The following CADPS variants were observed in gnomAD, a reference collection of about 807,000 sequenced individuals.
The protein encoded by CADPS is calcium dependent secretion activator.
In CADPS, 57 loss-of-function variants were observed where a neutral mutation model predicts 167.3. That is an observed-to-expected ratio of 0.34 (90% CI 0.28 to 0.42). CADPS has a LOEUF of 0.42. Among genes scored for constraint, CADPS ranks in the 20% least tolerant of loss-of-function variants. The pLI is 1.00. For missense variants in CADPS, 1,414 were observed against 1,738.1 expected, an observed-to-expected ratio of 0.81 and a Z score of 3.32; for synonymous variants, 676 against 635.3, an observed-to-expected ratio of 1.06 and a Z score of -0.96.
intron 1 of CADPS, among the ~76,000 whole-genome samples, chr3:62,784,945 G>T (rs1329203098): frequency 6.6e-6 from 1 of 152,152 alleles, no homozygotes; most frequent in East Asian, 1.9e-4. Flanking sequence ...AAGAGTTACT[G>T]TTAGGGTTTC....
In CADPS at chr3:62,669,250, G is replaced by A. The variant is rs557493828; in HGVS notation, c.889-6856C>T. On this transcript the variant is annotated intron_variant, in intron 3 of 29. Transcript: ENST00000383710. ...GCCAAGAGCCACTGCAGAGGAGGGT[G>A]GAGGCACCTCCCCATAAAGCACTCC... Among the ~76,000 whole-genome samples the A allele has an allele frequency of 1.1e-3, 162 of 152,266 alleles. 1 individual carries two copies. Among genetic ancestry groups the A allele is most frequent in the African/African-American group, 3.5e-3 (146 of 41,562 alleles).
chr3:62,644,283 C>A (rs1448640013), intron 6 of CADPS, among the ~76,000 whole-genome samples: 1 of 152,034 alleles, frequency 6.6e-6, no homozygotes, highest in Non-Finnish European at 1.5e-5. Flanking sequence ...AACACCAACA[C>A]AAAAAGATGC....
intron 3 of CADPS, among the ~76,000 whole-genome samples, chr3:62,721,628 C>T (rs2075846550): frequency 6.6e-6 from 1 of 151,980 alleles, no homozygotes; most frequent in Non-Finnish European, 1.5e-5. Flanking sequence ...CAGATCTTTC[C>T]AACTTAGATT....
chr3:62,846,678 TG>T, intron 1 of CADPS, among the ~76,000 whole-genome samples: 1 of 152,328 alleles, frequency 6.6e-6, no homozygotes, highest in East Asian at 1.9e-4. Context: ...TTTTGCTTTT[TG>T]TTTTTTGAGA....
At chr3:62,778,983 C>CGGG (rs200774338) in intron 1 of CADPS, among the ~76,000 whole-genome samples, 3,435 of 151,952 alleles carry the variant, frequency 0.023, 61 homozygotes, top group South Asian at 0.061. Flanking sequence ...CTCCACCTGC[C>CGGG]GGGTTCAAGC....
intron 3 of CADPS, among the ~76,000 whole-genome samples, chr3:62,748,081 G>A (rs1186424708): frequency 2.0e-5 from 3 of 149,950 alleles, no homozygotes; most frequent in East Asian, 2.0e-4. Context: ...AGTACTTTGG[G>A]AGGCTGAGGC....
intron 1 of CADPS, among the ~76,000 whole-genome samples, chr3:62,855,196 C>T (rs1241471579): frequency 6.7e-6 from 1 of 149,718 alleles, no homozygotes; most frequent in Non-Finnish European, 1.5e-5. Context: ...CTGCCCACTT[C>T]GGCCTCCCAA....
rs1164018122 is a variant in CADPS at position 62,839,611 on chromosome 3, CT to C, written c.441+34977del. Among the ~76,000 whole-genome samples, 3 of 152,242 alleles carry C rather than the reference CT, an allele frequency of 2.0e-5. No individual in the cohort carries two copies. In the East Asian group the frequency reaches 5.8e-4, roughly 29 times the overall value. On this transcript the variant is annotated intron_variant, in intron 1 of 29. Transcript: ENST00000383710. ...GCCTTGGTGAGGAGCTAAGACTCAC[CT>C]GTAGGGTTTACGTAGAGGAATGACT...
At chr3:62,474,527 G>A (rs1055315948) in intron 23 of CADPS, among the ~76,000 whole-genome samples, 1 of 152,006 alleles carries the variant, frequency 6.6e-6, no homozygotes, top group Admixed American at 6.5e-5. Flanking sequence ...CTTCCTTTCC[G>A]GCAGTACCCG....
chr3:62,850,217 A>T (rs1442865496), intron 1 of CADPS, among the ~76,000 whole-genome samples: 2 of 136,044 alleles, frequency 1.5e-5, no homozygotes, highest in East Asian at 4.0e-4. Context: ...ATCCTTTCAA[A>T]AAACCAGCTC....
At chr3:62,840,071 T>A (rs1225166381) in intron 1 of CADPS, among the ~76,000 whole-genome samples, 1 of 152,166 alleles carries the variant, frequency 6.6e-6, no homozygotes, top group Non-Finnish European at 1.5e-5. Flanking sequence ...TAACAAAGAT[T>A]AAATTTGATC....
intron 17 of CADPS, among the ~76,000 whole-genome samples, chr3:62,508,847 G>A (rs2067175718): frequency 6.6e-6 from 1 of 152,086 alleles, no homozygotes; most frequent in Non-Finnish European, 1.5e-5. Flanking sequence ...TGGGTTCACA[G>A]CATATTTTAA....
Position 62,478,518 on chromosome 3 carries a change from C to G in CADPS, c.3174-102G>C. 1 of 1,103,184 alleles carries G rather than the reference C, an allele frequency of 9.1e-7. No homozygotes were observed. Among genetic ancestry groups the G allele is most frequent in the Non-Finnish European group, 1.3e-6 (1 of 766,432 alleles). The allele number at this position is 1,103,184 out of a possible 1,614,324, so 68.3% of individuals were successfully genotyped here. The stretch of plus-strand genomic sequence containing the variant: ...GGGGCTAGAAGGCAAACAGCAGCTT[C>G]AACATACAAAACAACGTGTGTTGGC... On this transcript the variant is annotated intron_variant, in intron 22 of 29. Coordinates refer to ENST00000383710, the MANE Select transcript of CADPS (RefSeq NM_003716.4). The surrounding 1 kb of genome is among the most constrained non-coding windows in gnomAD (Gnocchi z 5.7).
intron 17 of CADPS, among the ~76,000 whole-genome samples, chr3:62,505,245 C>T (rs574099392): frequency 6.6e-6 from 1 of 152,246 alleles, no homozygotes; most frequent in South Asian, 2.1e-4. Context: ...ATACTTGATC[C>T]CCTTGATTCT....
intron 3 of CADPS, among the ~76,000 whole-genome samples, chr3:62,707,509 A>G (rs1371038315): frequency 6.6e-6 from 1 of 152,162 alleles, no homozygotes; most frequent in African/African-American, 2.4e-5. Flanking sequence ...TGAATGAATC[A>G]AAAGCTGATA....
At chr3:62,568,301 T>C (rs898772013) in intron 9 of CADPS, among the ~76,000 whole-genome samples, 1 of 152,206 alleles carries the variant, frequency 6.6e-6, no homozygotes, top group South Asian at 2.1e-4. Flanking sequence ...CAGAGAAGAC[T>C]GACAGTTGAG....
chr3:62,425,815 C>A (rs2052532917), intron 28 of CADPS, among the ~76,000 whole-genome samples: 1 of 152,138 alleles, frequency 6.6e-6, no homozygotes, highest in South Asian at 2.1e-4. Context: ...CAGGGACACT[C>A]CCAAAGGAAG....
intron 4 of CADPS, among the ~76,000 whole-genome samples, chr3:62,656,697 G>A (rs1219311918): frequency 6.6e-6 from 1 of 152,184 alleles, no homozygotes; most frequent in East Asian, 1.9e-4. Flanking sequence ...GAGTAATGAG[G>A]ATGGGGTCAG....
At chr3:62,798,779 A>G (rs745844294) in intron 1 of CADPS, among the ~76,000 whole-genome samples, 2 of 152,060 alleles carry the variant, frequency 1.3e-5, no homozygotes, top group Non-Finnish European at 2.9e-5. Flanking sequence ...ACAATGTTTC[A>G]CTTTGTATCC....
Sources: allele counts gnomAD v4.1 joint callset (sites outside exome capture counted in the v4.1 genomes callset), GRCh38; gene constraint gnomAD v4.1.1; non-coding constraint Gnocchi (gnomAD v3.1); transcripts MANE v1.5; gene names NCBI Gene and HGNC (gene_info 2026-07-23, HGNC 2026-07-21).